Variants in HS6ST3 observed in about 807,000 individuals in gnomAD.
The protein encoded by HS6ST3 is heparan sulfate 6-O-sulfotransferase 3, also known as heparan-sulfate 6-O-sulfotransferase 3.
Under a neutral mutation model 36.7 loss-of-function variants are expected in HS6ST3, and 12 were observed. The observed-to-expected ratio is 0.33, with a 90% CI of 0.21 to 0.53. The LOEUF (loss-of-function observed/expected upper bound fraction) is 0.53, where lower values mean the gene tolerates loss of function less well. HS6ST3 is among the 20% of genes least tolerant of loss of function. The probability of loss-of-function intolerance (pLI) is 0.95; values close to 1 mark genes in which losing one functional copy is unlikely to be tolerated. For missense variants in HS6ST3, 584 were observed against 640.9 expected (o/e 0.91, Z 0.96); for synonymous variants, 240 against 257.5 (o/e 0.93, Z 0.65).
At chr13:96,725,764 A>AT (rs1875988952) in intron 1 of HS6ST3, among the ~76,000 whole-genome samples, 1 of 151,876 alleles carries the variant, frequency 6.6e-6, no homozygotes, top group South Asian at 2.1e-4. Flanking sequence ...CTCTTAATAT[A>AT]TTTTTCCATC....
intron 1 of HS6ST3, among the ~76,000 whole-genome samples, chr13:96,562,956 G>A (rs1363460548): frequency 6.6e-6 from 1 of 151,280 alleles, no homozygotes; most frequent in African/African-American, 2.4e-5. Context: ...GAAACTGTCA[G>A]GTTTCTGAGG....
intron 1 of HS6ST3, among the ~76,000 whole-genome samples, chr13:96,648,490 T>C (rs1020136436): frequency 6.6e-6 from 1 of 151,644 alleles, no homozygotes; most frequent in African/African-American, 2.4e-5. Flanking sequence ...TTTCTTTTTT[T>C]TTTTTTTATT....
chr13:96,148,504 C>T (rs1434270186), intron 1 of HS6ST3, among the ~76,000 whole-genome samples: 1 of 152,134 alleles, frequency 6.6e-6, no homozygotes, highest in Non-Finnish European at 1.5e-5. Context: ...TTCGGACCTG[C>T]AGACTAGAGC....
At chr13:96,555,046 C>T (rs1303100196) in intron 1 of HS6ST3, among the ~76,000 whole-genome samples, 2 of 152,068 alleles carry the variant, frequency 1.3e-5, no homozygotes, top group Non-Finnish European at 2.9e-5. Flanking sequence ...TGCCGCTGCA[C>T]TCCAGCCTGG....
chr13:96,467,630 A>T (rs1410341), intron 1 of HS6ST3, among the ~76,000 whole-genome samples: 125,123 of 151,700 alleles, frequency 0.82, 53,355 homozygotes, highest in Non-Finnish European at 0.95. Context: ...TGCTAATAAT[A>T]ATTAATAATA....
At chr13:96,432,187 G>T (rs2055618997) in intron 1 of HS6ST3, among the ~76,000 whole-genome samples, 2 of 152,132 alleles carry the variant, frequency 1.3e-5, no homozygotes, top group South Asian at 4.1e-4. Context: ...CAGCTAAGGT[G>T]CTCTCTTATG....
At chr13:96,402,013 G>C (rs370620960) in intron 1 of HS6ST3, among the ~76,000 whole-genome samples, 28 of 152,176 alleles carry the variant, frequency 1.8e-4, no homozygotes, top group African/African-American at 6.3e-4. Flanking sequence ...TCACTACATT[G>C]CCCAGGATGG....
chr13:96,419,914 G>T (rs964126321), intron 1 of HS6ST3, among the ~76,000 whole-genome samples: 114 of 152,164 alleles, frequency 7.5e-4, no homozygotes, highest in African/African-American at 2.7e-3. Context: ...CACCTGCAAA[G>T]ACTCTATTTC....
At position 96,838,235 on chromosome 13, in the gene HS6ST3, C is replaced by A. The variant is rs1878986425; in HGVS notation, c.*5037C>A. On this transcript the variant is annotated 3_prime_UTR_variant, in exon 2 of 2. Coordinates refer to ENST00000376705, the MANE Select transcript of HS6ST3 (RefSeq NM_153456.4). The stretch of plus-strand genomic sequence containing the variant: ...AATAGAAAAATGACTAAGATACAGT[C>A]TCTGTCCTCTAGAACTAGGGCAGCC... The A allele has an allele frequency of 6.6e-6, 1 of 152,064 alleles. No individual in the cohort carries two copies. The highest frequency in any genetic ancestry group is 1.5e-5 in the Non-Finnish European group (1 of 68,014). 9.4% of individuals were successfully genotyped at this position (152,064 alleles called of 1,614,324 possible). A position where few individuals can be genotyped will look rare whatever the true frequency, so the allele number is the denominator to read the frequency against.
intron 1 of HS6ST3, among the ~76,000 whole-genome samples, chr13:96,723,415 C>T (rs551939176): frequency 1.7e-4 from 26 of 152,278 alleles, no homozygotes; most frequent in African/African-American, 5.8e-4. Flanking sequence ...GATGACTCTA[C>T]AGAGCTGACC....
chr13:96,379,679 A>G (rs1200650653), intron 1 of HS6ST3, among the ~76,000 whole-genome samples: 1 of 152,162 alleles, frequency 6.6e-6, no homozygotes, highest in Non-Finnish European at 1.5e-5. Context: ...AAAAATGCAG[A>G]TTTCTTAGCC....
intron 1 of HS6ST3, among the ~76,000 whole-genome samples, chr13:96,414,220 A>G (rs1422151164): frequency 2.0e-5 from 3 of 152,238 alleles, no homozygotes; most frequent in Admixed American, 6.5e-5. Context: ...CACCTAGGCC[A>G]GGCCTTCAGA....
At chr13:96,166,024 A>G (rs2054158572) in intron 1 of HS6ST3, among the ~76,000 whole-genome samples, 1 of 27,392 alleles carries the variant, frequency 3.7e-5, no homozygotes. Context: ...GGAAGGGGTT[A>G]TTTATTTATT....
At chr13:96,290,512 A>T (rs1159050332) in intron 1 of HS6ST3, among the ~76,000 whole-genome samples, 1 of 152,110 alleles carries the variant, frequency 6.6e-6, no homozygotes, top group Non-Finnish European at 1.5e-5. Context: ...TGGAGCCAAG[A>T]ACTGCCCCAT....
intron 1 of HS6ST3, among the ~76,000 whole-genome samples, chr13:96,098,715 T>C (rs1470203013): frequency 6.6e-6 from 1 of 152,172 alleles, no homozygotes; most frequent in Admixed American, 6.5e-5. Flanking sequence ...TGGATTTTAA[T>C]CTGATTCAGT....
chr13:96,127,626 T>C (rs1484385632), intron 1 of HS6ST3, among the ~76,000 whole-genome samples: 1 of 152,226 alleles, frequency 6.6e-6, no homozygotes, highest in Non-Finnish European at 1.5e-5. Context: ...CAGGCTTTCT[T>C]GGTTCTCCTT....
At chr13:96,450,092 G>T (rs542919489) in intron 1 of HS6ST3, among the ~76,000 whole-genome samples, 1 of 152,234 alleles carries the variant, frequency 6.6e-6, no homozygotes, top group African/African-American at 2.4e-5. Flanking sequence ...CCAACTAGTT[G>T]TTTTATGTGG....
intron 1 of HS6ST3, among the ~76,000 whole-genome samples, chr13:96,226,680 A>G (rs1037542073): frequency 3.3e-5 from 5 of 152,234 alleles, no homozygotes; most frequent in East Asian, 1.9e-4. Flanking sequence ...TGTCTTATAC[A>G]TAGTGAATAT....
Position 96,833,488 on chromosome 13 carries a change from G to C in HS6ST3, c.*290G>C. 1.2e-5 allele frequency: 4 copies of C among 331,102 alleles called. No homozygotes were observed. Among genetic ancestry groups the C allele is most frequent in the Non-Finnish European group, 2.2e-5 (4 of 181,280 alleles). 20.5% of individuals were successfully genotyped at this position (331,102 alleles called of 1,614,324 possible). A position where few individuals can be genotyped will look rare whatever the true frequency, so the allele number is the denominator to read the frequency against. ...CACACCGAAAAAGGAGACAGTTCCTGTGATCTCCTTTGCAGGAGCATAGAA... is the reference window on the plus strand; with the variant it reads ...CACACCGAAAAAGGAGACAGTTCCTCTGATCTCCTTTGCAGGAGCATAGAA... On this transcript the variant is annotated 3_prime_UTR_variant, in exon 2 of 2. Transcript: ENST00000376705.
Sources: allele counts gnomAD v4.1 joint callset (sites outside exome capture counted in the v4.1 genomes callset), GRCh38; gene constraint gnomAD v4.1.1; transcripts MANE v1.5; gene names NCBI Gene and HGNC (gene_info 2026-07-23, HGNC 2026-07-21).